CCDC91: variants seen among roughly 807,000 people sequenced by gnomAD.
CCDC91 encodes the protein coiled-coil domain containing 91.
A neutral mutation model predicts 63.2 loss-of-function variants in CCDC91; 48 were observed. The observed-to-expected ratio is 0.76, with a 90% CI of 0.60 to 0.97. CCDC91 has a LOEUF of 0.97. CCDC91 is among the 50% of genes least tolerant of loss of function. The pLI is 0.00. For synonymous variants in CCDC91, 167 were observed against 165.8 expected, an observed-to-expected ratio of 1.01 and a Z score of -0.06; for missense variants, 500 against 494.6, an observed-to-expected ratio of 1.01 and a Z score of -0.10.
chr12:28,321,454 A>G (rs1404455996), intron 6 of CCDC91, among the ~76,000 whole-genome samples: 2 of 151,912 alleles, frequency 1.3e-5, no homozygotes, highest in South Asian at 2.1e-4. Context: ...GTAGACTGCT[A>G]TGGATTGAAT....
At chr12:28,200,210 C>G (rs1432657701) in intron 1 of CCDC91, among the ~76,000 whole-genome samples, 1 of 150,214 alleles carries the variant, frequency 6.7e-6, no homozygotes, top group Non-Finnish European at 1.5e-5. Context: ...TGTGCCAGCT[C>G]AAATGTGCAG....
intron 8 of CCDC91, among the ~76,000 whole-genome samples, chr12:28,428,573 C>CAA (rs1438921507): frequency 0.018 from 1,168 of 64,958 alleles, 41 homozygotes; most frequent in African/African-American, 0.034. Context: ...CCGTCTCTCC[C>CAA]CAAAAAAAAA....
intron 12 of CCDC91, among the ~76,000 whole-genome samples, chr12:28,512,979 T>G (rs893717267): frequency 1.3e-5 from 2 of 151,850 alleles, no homozygotes; most frequent in Non-Finnish European, 2.9e-5. Flanking sequence ...GCTGTAAAAT[T>G]AAAAGATATT....
intron 1 of CCDC91, among the ~76,000 whole-genome samples, chr12:28,222,436 A>G (rs1424122593): frequency 6.6e-6 from 1 of 152,146 alleles, no homozygotes; most frequent in Admixed American, 6.6e-5. Flanking sequence ...CACCCTGTCT[A>G]TAAATCTTTG....
chr12:28,508,376 G>C (rs1938990925), intron 12 of CCDC91, among the ~76,000 whole-genome samples: 1 of 151,602 alleles, frequency 6.6e-6, no homozygotes, highest in African/African-American at 2.4e-5. Flanking sequence ...CTTGTTCTAG[G>C]GGTTTACCTG....
intron 12 of CCDC91, among the ~76,000 whole-genome samples, chr12:28,492,167 T>C (rs895501858): frequency 6.6e-6 from 1 of 151,772 alleles, no homozygotes; most frequent in Non-Finnish European, 1.5e-5. Flanking sequence ...TGTGTATACT[T>C]TTCACTATCC....
At chr12:28,419,737 GT>G (rs139948565) in intron 8 of CCDC91, among the ~76,000 whole-genome samples, 4 of 145,244 alleles carry the variant, frequency 2.8e-5, no homozygotes, top group East Asian at 4.2e-4. Flanking sequence ...TTCATGTGCT[GT>G]TTTTTTTAAA....
intron 3 of CCDC91, among the ~76,000 whole-genome samples, chr12:28,265,180 G>A (rs1947105592): frequency 6.6e-6 from 1 of 152,002 alleles, no homozygotes; most frequent in African/African-American, 2.4e-5. Flanking sequence ...GGCGAAGTGG[G>A]AGGCAAAACC....
intron 6 of CCDC91, among the ~76,000 whole-genome samples, chr12:28,343,134 G>A (rs945683209): frequency 6.6e-6 from 1 of 151,362 alleles, no homozygotes; most frequent in African/African-American, 2.4e-5. Context: ...AAAGAAATAT[G>A]TTGAGAGAGA....
In CCDC91 at chr12:28,549,140, T is replaced by C. The variant is rs760360545; in HGVS notation, c.1293T>C (p.Ala431=). The C allele has an allele frequency of 1.9e-6, 3 of 1,611,570 alleles. No homozygotes were observed. In the East Asian group the frequency reaches 6.7e-5, roughly 36 times the overall value. ...FLSCAQKQLS[A]LIATEPVDIE ...CCTGTGCACAGAAACAGTTAAGTGC[T>C]TTAATAGCTACGGAACCAGTTGACA... The change falls in exon 13 of 13, where the codon GCT becomes GCC. Residue 431 remains alanine, a synonymous_variant. Coordinates refer to ENST00000536442, the MANE Select transcript of CCDC91 (RefSeq NM_018318.5).
At position 28,338,977 on chromosome 12, in the gene CCDC91, A is replaced by T. The variant is rs570090991; in HGVS notation, c.577-23461A>T. Among the ~76,000 whole-genome samples, 11 of 152,188 alleles carry T rather than the reference A, an allele frequency of 7.2e-5. No homozygotes were observed. In the South Asian group the frequency reaches 2.3e-3, roughly 32 times the overall value. On this transcript the variant is annotated intron_variant, in intron 6 of 12. Coordinates refer to ENST00000536442, the MANE Select transcript of CCDC91 (RefSeq NM_018318.5). ...TGCCTCAGCCTCCCAAGTAGCTGGA[A>T]TTACAGGCATGCACTACCATGCCTA...
At chr12:28,403,853 T>C (rs1214561190) in intron 8 of CCDC91, among the ~76,000 whole-genome samples, 1 of 152,162 alleles carries the variant, frequency 6.6e-6, no homozygotes, top group African/African-American at 2.4e-5. Flanking sequence ...TTAATGTTCA[T>C]GGGATCTGTA....
chr12:28,482,823 T>G (rs1286909531), intron 11 of CCDC91, among the ~76,000 whole-genome samples: 7 of 151,986 alleles, frequency 4.6e-5, no homozygotes, highest in Non-Finnish European at 8.8e-5. Flanking sequence ...AAGATACATA[T>G]GTGGATGTTT....
chr12:28,521,055 G>C (rs962071141), intron 12 of CCDC91, among the ~76,000 whole-genome samples: 1 of 152,156 alleles, frequency 6.6e-6, no homozygotes, highest in Admixed American at 6.5e-5. Context: ...GGCAATGCGG[G>C]CTCTTTTTGG....
chr12:28,334,333 C>CG (rs1006246577), intron 6 of CCDC91, among the ~76,000 whole-genome samples: 28 of 152,040 alleles, frequency 1.8e-4, no homozygotes, highest in Admixed American at 5.9e-4. Context: ...AAGAGGAAAA[C>CG]GGGTTTTATT....
intron 6 of CCDC91, among the ~76,000 whole-genome samples, chr12:28,309,401 C>G (rs1170530874): frequency 6.6e-6 from 1 of 151,860 alleles, no homozygotes; most frequent in Non-Finnish European, 1.5e-5. Context: ...AATTAATTGC[C>G]CTGTAGGATA....
chr12:28,400,057 T>C (rs961300086), intron 8 of CCDC91, among the ~76,000 whole-genome samples: 3 of 152,184 alleles, frequency 2.0e-5, no homozygotes, highest in African/African-American at 7.2e-5. Context: ...CCCCACAGTT[T>C]CCTTCCTCAC....
chr12:28,441,638 A>C (rs952646199), intron 8 of CCDC91, among the ~76,000 whole-genome samples: 13 of 147,744 alleles, frequency 8.8e-5, no homozygotes, highest in African/African-American at 7.8e-5. Flanking sequence ...GTGTATATAT[A>C]TCTCTCTCTC....
chr12:28,497,671 T>A (rs1952380626), intron 12 of CCDC91, among the ~76,000 whole-genome samples: 1 of 151,638 alleles, frequency 6.6e-6, no homozygotes, highest in African/African-American at 2.4e-5. Context: ...CCCACTATTC[T>A]TTTCACTATG....
Sources: allele counts gnomAD v4.1 joint callset (sites outside exome capture counted in the v4.1 genomes callset), GRCh38; gene constraint gnomAD v4.1.1; transcripts MANE v1.5; gene names NCBI Gene and HGNC (gene_info 2026-07-23, HGNC 2026-07-21).